The following CNBP variants were observed in gnomAD, a reference collection of about 807,000 sequenced individuals.
CNBP encodes cellular nucleic acid-binding protein.
Under a neutral mutation model 21.2 loss-of-function variants are expected in CNBP, and 6 were observed. The observed-to-expected ratio is 0.28, with a 90% CI of 0.16 to 0.56. The LOEUF (loss-of-function observed/expected upper bound fraction) is 0.56, where lower values mean the gene tolerates loss of function less well. Ranked by LOEUF, CNBP falls within the 20% of genes least tolerant of loss-of-function variation. The pLI is 0.93. For synonymous variants in CNBP, 61 were observed against 74.9 expected (o/e 0.81, Z 0.96); for missense variants, 112 against 233.1 (o/e 0.48, Z 3.38).
intron 1 of CNBP, among the ~76,000 whole-genome samples, chr3:129,176,786 G>C (rs1396918558): frequency 6.6e-6 from 1 of 152,064 alleles, no homozygotes; most frequent in Non-Finnish European, 1.5e-5. Flanking sequence ...ACAGGGATTA[G>C]GGCCAACCAC....
intron 1 of CNBP, among the ~76,000 whole-genome samples, chr3:129,179,109 C>T (rs574588179): frequency 1.4e-4 from 22 of 152,012 alleles, no homozygotes; most frequent in African/African-American, 5.3e-4. Flanking sequence ...GAAATCCCGT[C>T]TCTACTAAAA....
rs1576905499 is a variant in CNBP at position 129,169,254 on chromosome 3, C to A, written c.*1199G>T. Among the ~76,000 whole-genome samples, 1 of 152,250 alleles carries A rather than the reference C, an allele frequency of 6.6e-6. No homozygotes were observed. The highest frequency in any genetic ancestry group is 1.9e-4 in the East Asian group (1 of 5,184). ...GGTTGCAGTGAGCCAAGCCTGCACT[C>A]CAGCCTGGGCGACAAGAGTGAGACT... On this transcript the variant is annotated 3_prime_UTR_variant, in exon 5 of 5. Transcript: ENST00000422453.
intron 1 of CNBP, among the ~76,000 whole-genome samples, chr3:129,175,432 C>CTT (rs369005126): frequency 1.6e-5 from 2 of 122,118 alleles, no homozygotes; most frequent in Non-Finnish European, 3.6e-5. Flanking sequence ...AGATGTTTTG[C>CTT]TTTTTTTTTT....
In CNBP at chr3:129,169,185, T is replaced by C. The variant is rs1278921649; in HGVS notation, c.*1268A>G. 6.6e-6 allele frequency among the ~76,000 whole-genome samples: 1 copy of C among 152,026 alleles called. No individual in the cohort carries two copies. The highest frequency in any genetic ancestry group is 6.6e-5 in the Admixed American group (1 of 15,260). ...GGCGGGTGCCTGTAATCCCAGCTAC[T>C]CAGGAGGCTGAGGCAGGAGAATTGC... On this transcript the variant is annotated 3_prime_UTR_variant, in exon 5 of 5. Coordinates refer to ENST00000422453, the MANE Select transcript of CNBP (RefSeq NM_003418.5).
chr3:129,171,926 T>C (rs1937577229), intron 1 of CNBP, among the ~76,000 whole-genome samples, 155 bp from the exon 2 acceptor site: 1 of 152,202 alleles, frequency 6.6e-6, no homozygotes, highest in South Asian at 2.1e-4. Flanking sequence ...ACGCCAGTAA[T>C]CCCATCACTT....
In CNBP at chr3:129,171,702, C is replaced by T; in HGVS notation, c.56G>A (p.Cys19Tyr). 1 of 1,614,142 alleles carries T rather than the reference C, an allele frequency of 6.2e-7. No homozygotes were observed. Among genetic ancestry groups the T allele is most frequent in the Non-Finnish European group, 8.5e-7 (1 of 1,180,044 alleles). The change falls in exon 2 of 5, where the codon TGT (cysteine) becomes TAT (tyrosine). Residue 19 changes from cysteine to tyrosine, a missense_variant. Physicochemically the swap from Cys to Tyr is radical, Grantham distance 194. Coordinates refer to ENST00000422453, the MANE Select transcript of CNBP (RefSeq NM_003418.5). ...ACGACCACGGCCTCCACCAGTAGGA[C>T]ATTCCCGGGCCCAGTGGCCAGATCG... ...CGRSGHWARE[C>Y]PTGGGRGRGM... is the part of the protein sequence containing the mutation.
chr3:129,177,532 C>T (rs1459018068), intron 1 of CNBP, among the ~76,000 whole-genome samples: 1 of 152,210 alleles, frequency 6.6e-6, no homozygotes, highest in Non-Finnish European at 1.5e-5. Context: ...CTTCTGAGTA[C>T]ATATTCCTTC....
Position 129,171,276 on chromosome 3 carries a change from G to A in CNBP, c.219C>T (p.Ala73=). Residue 73 remains alanine (A), a splice_region_variant and synonymous_variant, in exon 4 of 5, where the codon GCC becomes GCT. Coordinates refer to ENST00000422453, the MANE Select transcript of CNBP (RefSeq NM_003418.5). The part of the protein sequence containing the change: ...LAKDCDLQED[A]CYNCGRGGHI... Reference sequence around the variant, plus strand: ...GGCCACCTCTACCGCAGTTATAGCAGGCTTCAACAATAAGGAAAAGAAACA... The same window carrying A: ...GGCCACCTCTACCGCAGTTATAGCAAGCTTCAACAATAAGGAAAAGAAACA... The A allele has an allele frequency of 6.2e-7, 1 of 1,614,166 alleles. No individual in the cohort carries two copies.
chr3:129,175,196 C>T (rs1362359159), intron 1 of CNBP, among the ~76,000 whole-genome samples: 1 of 151,662 alleles, frequency 6.6e-6, no homozygotes, highest in Non-Finnish European at 1.5e-5. Flanking sequence ...GGTGGTAACG[C>T]GCCTGTAGTC....
chr3:129,170,785 A>G (rs1576907837), intron 4 of CNBP, among the ~76,000 whole-genome samples: 1 of 152,232 alleles, frequency 6.6e-6, no homozygotes, highest in East Asian at 1.9e-4. Context: ...AGATTTATGT[A>G]TATTACAGAG....
At chr3:129,173,325 T>C (rs377159828) in intron 1 of CNBP, among the ~76,000 whole-genome samples, 4 of 152,324 alleles carry the variant, frequency 2.6e-5, no homozygotes, top group East Asian at 1.9e-4. Context: ...AACTTGAGCA[T>C]AGGAGGATTT....
chr3:129,172,608 A>AGG lies in CNBP; in HGVS notation c.-14-838_-14-837insCC, dbSNP rs1560034584. On this transcript the variant is annotated intron_variant, in intron 1 of 4. Coordinates refer to ENST00000422453, the MANE Select transcript of CNBP (RefSeq NM_003418.5). ...GGCAGGCAGGCAGGCAGGCAGGCAG[A>AGG]CAGGCAGACAGGCAGCCAGGCAGGC... Among the ~76,000 whole-genome samples the AGG allele has an allele frequency of 1.6e-3, 52 of 31,844 alleles. 1 individual carries two copies. Among genetic ancestry groups the AGG allele is most frequent in the South Asian group, 0.014 (11 of 812 alleles). 20.9% of individuals were successfully genotyped at this position (31,844 alleles called of 152,430 possible).
intron 1 of CNBP, among the ~76,000 whole-genome samples, chr3:129,176,044 C>G (rs1416886827): frequency 6.6e-6 from 1 of 152,146 alleles, no homozygotes; most frequent in African/African-American, 2.4e-5. Context: ...TAGACTCACA[C>G]TACTTATATT....
chr3:129,183,507 G>A (rs1454370871), intron 1 of CNBP, among the ~76,000 whole-genome samples: 1 of 152,240 alleles, frequency 6.6e-6, no homozygotes. Context: ...CCTGCGGCCT[G>A]GGGTGCGGCC....
chr3:129,173,434 TA>T (rs1209423396), intron 1 of CNBP, among the ~76,000 whole-genome samples: 1 of 152,206 alleles, frequency 6.6e-6, no homozygotes, highest in East Asian at 1.9e-4. Flanking sequence ...ACCAAAGCGC[TA>T]ATAATAGCAC....
chr3:129,183,420 G>C (rs1028852878), intron 1 of CNBP, among the ~76,000 whole-genome samples: 1 of 152,132 alleles, frequency 6.6e-6, no homozygotes, highest in Non-Finnish European at 1.5e-5. Flanking sequence ...ATCCACCCTC[G>C]GTCCCTCATT....
chr3:129,178,279 G>A (rs1288533395), intron 1 of CNBP, among the ~76,000 whole-genome samples: 1 of 151,454 alleles, frequency 6.6e-6, no homozygotes, highest in Non-Finnish European at 1.5e-5. Flanking sequence ...TGGAATTAAA[G>A]AAACCACAAA....
At position 129,169,289 on chromosome 3, in the gene CNBP, A is replaced by C. The variant is rs889513848; in HGVS notation, c.*1164T>G. Among the ~76,000 whole-genome samples, 1 of 152,130 alleles carries C rather than the reference A, an allele frequency of 6.6e-6. No homozygotes were observed. Among genetic ancestry groups the C allele is most frequent in the Non-Finnish European group, 1.5e-5 (1 of 68,022 alleles). On this transcript the variant is annotated 3_prime_UTR_variant, in exon 5 of 5. Coordinates refer to ENST00000422453, the MANE Select transcript of CNBP (RefSeq NM_003418.5). ...CGACAAGAGTGAGACTCCGTCTCCA[A>C]AACAAAACAAAACCACCACCACCAA...
In CNBP at chr3:129,171,577, C is replaced by T. The variant is rs148679725; in HGVS notation, c.125-39G>A. 1.2e-4 allele frequency: 191 copies of T among 1,613,996 alleles called. No individual in the cohort carries two copies. In the East Asian group the frequency reaches 3.9e-3, roughly 33 times the overall value. On this transcript the variant is annotated intron_variant, in intron 2 of 4. Coordinates refer to ENST00000422453, the MANE Select transcript of CNBP (RefSeq NM_003418.5). ...AAACAAAGAATTCGGCTAGTCAGAC[C>T]AGTCTTGATACTAACAAATACTGAA...
Sources: gnomAD v4.1 joint callset for allele counts (sites outside exome capture counted in the v4.1 genomes callset) on GRCh38, gnomAD v4.1.1 for gene constraint, MANE v1.5 for transcripts, NCBI Gene and HGNC (gene_info 2026-07-23, HGNC 2026-07-21) for gene names.